Variants in TXLNG observed in about 807,000 individuals in gnomAD.
TXLNG encodes gamma-taxilin.
TXLNG carries 5 observed loss-of-function variants against 38.8 expected under a neutral mutation model. The ratio of observed to expected loss-of-function variants is 0.13; its 90% CI spans 0.07 to 0.27. TXLNG has a LOEUF of 0.27. Among genes scored for constraint, TXLNG ranks in the 10% least tolerant of loss-of-function variants. The pLI, the probability that TXLNG is intolerant of heterozygous loss-of-function variation, is 1.00. For missense variants in TXLNG, 393 were observed against 398.2 expected, an observed-to-expected ratio of 0.99 and a Z score of 0.11; for synonymous variants, 182 against 158.2, an observed-to-expected ratio of 1.15 and a Z score of -1.13.
At chrX:16,792,442 G>A (rs913178375) in intron 1 of TXLNG, among the ~76,000 whole-genome samples, 1 of 111,194 alleles carries the variant, frequency 9.0e-6, no homozygotes, top group African/African-American at 3.3e-5. Flanking sequence ...TGGTTCTAAT[G>A]TGATTATGAA....
At chrX:16,803,160 C>T (rs1008350182) in intron 1 of TXLNG, 3 of 110,712 alleles carry the variant, frequency 2.7e-5, no homozygotes, top group Non-Finnish European at 5.7e-5. Flanking sequence ...TCGTCGGACA[C>T]CCGCTGCCTC....
intron 1 of TXLNG, among the ~76,000 whole-genome samples, chrX:16,812,818 CAGCCTCCCTAGT>C (rs1928580893): frequency 9.5e-6 from 1 of 104,745 alleles, no homozygotes; most frequent in South Asian, 4.5e-4. Flanking sequence ...TCTCCTGCCT[CAGCCTCCCTAGT>C]AGCTAGGATT....
At chrX:16,791,297 A>G (rs1927694350) in intron 1 of TXLNG, among the ~76,000 whole-genome samples, 2 of 111,963 alleles carry the variant, frequency 1.8e-5, no homozygotes, top group African/African-American at 6.5e-5. Flanking sequence ...AAGCCATTTC[A>G]TTAATCTTGT....
chrX:16,837,521 G>A (rs1929637189), intron 7 of TXLNG, 72 bp from the exon 8 acceptor site: 22 of 766,595 alleles, frequency 2.9e-5, no homozygotes, highest in Non-Finnish European at 3.8e-5. Context: ...ACCATACTAC[G>A]TTCTTTTGAA....
intron 3 of TXLNG, among the ~76,000 whole-genome samples, chrX:16,827,841 A>G (rs1929225307): frequency 8.9e-6 from 1 of 112,194 alleles, no homozygotes; most frequent in Non-Finnish European, 1.9e-5. Flanking sequence ...AATCTGTCTA[A>G]AGGATTTTTT....
intron 8 of TXLNG, 95 bp downstream of exon 8, chrX:16,837,780 G>C: frequency 1.5e-6 from 1 of 645,314 alleles, no homozygotes; most frequent in Non-Finnish European, 2.2e-6. Flanking sequence ...CCTTTGTTAT[G>C]ATACTGTCTT....
Position 16,829,585 on chromosome X carries a change from A to G in TXLNG, c.679A>G (p.Met227Val), listed in dbSNP as rs1929304010. The G allele has an allele frequency of 8.3e-7, 1 of 1,209,118 alleles. No homozygotes were observed. The highest frequency in any genetic ancestry group is 1.8e-5 in the African/African-American group (1 of 57,071). The stretch of plus-strand genomic sequence containing the variant: ...TATTTTGGGTAATAAGGAGGAAAAT[A>G]TGCAGCAGGCACGAGAGGAAGAAGA... ...RHNKTLKEEN[M>V]QQAREEEERR... is the part of the protein sequence containing the mutation. Residue 227 changes from methionine (M) to valine (V), a missense_variant, in exon 5 of 10, where the codon ATG becomes GTG. Met to Val is a conservative substitution (Grantham distance 21). Coordinates refer to ENST00000380122, the MANE Select transcript of TXLNG (RefSeq NM_018360.3).
chrX:16,824,473 T>C (rs896127137), intron 3 of TXLNG, among the ~76,000 whole-genome samples: 2 of 112,226 alleles, frequency 1.8e-5, no homozygotes, highest in Non-Finnish European at 3.8e-5. Context: ...TTTGTAGATA[T>C]TATTTTGATT....
intron 1 of TXLNG, among the ~76,000 whole-genome samples, 186 bp downstream of exon 1, chrX:16,786,775 G>C (rs1286792202): frequency 9.1e-6 from 1 of 109,873 alleles, no homozygotes. Context: ...TGGATGGGGT[G>C]GGAAGGGACG....
intron 5 of TXLNG, among the ~76,000 whole-genome samples, chrX:16,831,357 G>A (rs1277759870): frequency 8.9e-6 from 1 of 112,499 alleles, no homozygotes; most frequent in Non-Finnish European, 1.9e-5. Flanking sequence ...CACCACCACT[G>A]TACTCATGGC....
chrX:16,791,753 T>G (rs1264036432), intron 1 of TXLNG, among the ~76,000 whole-genome samples: 1 of 110,931 alleles, frequency 9.0e-6, no homozygotes, highest in Non-Finnish European at 1.9e-5. Flanking sequence ...GCCTGGCTAA[T>G]TTTTGTATTT....
intron 3 of TXLNG, among the ~76,000 whole-genome samples, chrX:16,821,871 G>A (rs1928980946): frequency 9.2e-6 from 1 of 108,749 alleles, no homozygotes. Context: ...GCAGGCGCCT[G>A]TAGTCCCAGC....
At position 16,843,549 on chromosome X, in the gene TXLNG, G is replaced by A. The variant is rs1443937114; in HGVS notation, c.*1783G>A. On this transcript the variant is annotated 3_prime_UTR_variant, in exon 10 of 10. Transcript: ENST00000380122. ...CATTTCCCTGGTGGTGGGGGGGAAT[G>A]CAGGTATAGATCAGAAATATAATCC... The A allele has an allele frequency of 8.9e-6, 1 of 112,208 alleles. No homozygotes were observed. The highest frequency in any genetic ancestry group is 1.9e-5 in the Non-Finnish European group (1 of 53,269). The allele number at this position is 112,208 out of a possible 1,213,427, so 9.2% of individuals were successfully genotyped here. A position where few individuals can be genotyped will look rare whatever the true frequency, so the allele number is the denominator to read the frequency against.
Position 16,841,524 on chromosome X carries a change from A to T in TXLNG, c.1345A>T (p.Asn449Tyr). The change falls in exon 10 of 10, where the codon AAT (asparagine) becomes TAT (tyrosine). Residue 449 changes from asparagine to tyrosine, a missense_variant. Transcript: ENST00000380122. Reference sequence around the variant, plus strand: ...TCTTCAGACAGAAAGGAATGAGCTCAATGAGAAGGTGGAAGTCCTGAAAGA... The same window carrying T: ...TCTTCAGACAGAAAGGAATGAGCTCTATGAGAAGGTGGAAGTCCTGAAAGA... Reference protein sequence around the residue: ...RALQTERNELNEKVEVLKEQV... With the variant: ...RALQTERNELYEKVEVLKEQV... 8.3e-7 allele frequency: 1 copy of T among 1,211,848 alleles called. No individual in the cohort carries two copies. The highest frequency in any genetic ancestry group is 1.1e-6 in the Non-Finnish European group (1 of 895,420).
At chrX:16,792,890 A>T (rs1185920233) in intron 1 of TXLNG, among the ~76,000 whole-genome samples, 1 of 110,603 alleles carries the variant, frequency 9.0e-6, no homozygotes, top group Non-Finnish European at 1.9e-5. Flanking sequence ...TGAGGTCAGG[A>T]GTTCAAGACC....
At position 16,842,028 on chromosome X, in the gene TXLNG, T is replaced by TA; in HGVS notation, c.*262_*263insA. On this transcript the variant is annotated 3_prime_UTR_variant, in exon 10 of 10. Coordinates refer to ENST00000380122, the MANE Select transcript of TXLNG (RefSeq NM_018360.3). ...TGTGTTCATTGCCTTGTCCTTTCTC[T>TA]CCCTGCTCCTTGCACATTATCATCC... The TA allele has an allele frequency of 3.1e-6, 1 of 320,015 alleles. No homozygotes were observed. The highest frequency in any genetic ancestry group is 5.4e-6 in the Non-Finnish European group (1 of 184,805). The allele number at this position is 320,015 out of a possible 1,213,427, so 26.4% of individuals were successfully genotyped here.
intron 3 of TXLNG, among the ~76,000 whole-genome samples, chrX:16,825,581 C>T (rs1348807090): frequency 1.8e-5 from 2 of 111,707 alleles, no homozygotes; most frequent in African/African-American, 3.3e-5. Flanking sequence ...TCTCACTCTA[C>T]CACCCAGGCT....
At position 16,829,719 on chromosome X, in the gene TXLNG, G is replaced by A. The variant is rs1276402339; in HGVS notation, c.813G>A (p.Glu271=). 8.3e-7 allele frequency: 1 copy of A among 1,210,430 alleles called. No individual in the cohort carries two copies. The highest frequency in any genetic ancestry group is 1.1e-6 in the Non-Finnish European group (1 of 895,418). The change falls in exon 5 of 10, where the codon GAG becomes GAA. Residue 271 remains glutamate (E), a synonymous_variant. Transcript: ENST00000380122. ...CCAAACTCCGACAGGAAAACATTGA[G>A]CTGGGGGAGAAGCTAAAGAAGCTCA... The part of the protein sequence containing the change: ...HNAKLRQENI[E]LGEKLKKLIE...
At chrX:16,793,943 G>A (rs955781764) in intron 1 of TXLNG, among the ~76,000 whole-genome samples, 1 of 111,733 alleles carries the variant, frequency 8.9e-6, no homozygotes, top group African/African-American at 3.3e-5. Flanking sequence ...GCCACTGCAC[G>A]CAGCCTGTAA....
Sources: allele counts gnomAD v4.1 joint callset (sites outside exome capture counted in the v4.1 genomes callset), GRCh38; gene constraint gnomAD v4.1.1; transcripts MANE v1.5; gene names NCBI Gene and HGNC (gene_info 2026-07-23, HGNC 2026-07-21).